IL3RA: variants seen among roughly 807,000 people sequenced by gnomAD.
IL3RA encodes the protein interleukin 3 receptor subunit alpha.
A neutral mutation model predicts 52.3 loss-of-function variants in IL3RA; 73 were observed. The ratio of observed to expected loss-of-function variants is 1.40; its 90% confidence interval spans 1.16 to 1.70. IL3RA has a LOEUF of 1.70. Ranked by LOEUF, IL3RA falls within the 40% of genes most tolerant of loss-of-function variation. The pLI, the probability that IL3RA is intolerant of heterozygous loss-of-function variation, is 0.00. For synonymous variants in IL3RA, 260 were observed against 194.0 expected (o/e 1.34, Z -2.83); for missense variants, 664 against 504.4 (o/e 1.32, Z -3.03).
intron 9 of IL3RA, 147 bp from the exon 10 acceptor site, chrX:1,378,512 C>T: frequency 3.0e-6 from 2 of 669,562 alleles, no homozygotes; most frequent in Non-Finnish European, 5.3e-6. Flanking sequence ...GGTCTCTGTG[C>T]AGGTGGCACT....
At chrX:1,353,666 C>T (rs1357143577) in intron 6 of IL3RA, among the ~76,000 whole-genome samples, 1 of 70,856 alleles carries the variant, frequency 1.4e-5, no homozygotes, top group Non-Finnish European at 2.7e-5. Flanking sequence ...GTCATGGGAC[C>T]CCCCCCATCA....
intron 9 of IL3RA, among the ~76,000 whole-genome samples, chrX:1,377,729 G>T (rs79068790): frequency 6.7e-6 from 1 of 148,192 alleles, no homozygotes; most frequent in Non-Finnish European, 1.5e-5. Context: ...GCAGTGGCGC[G>T]ATCACGGCTC....
rs768355817 is a variant in IL3RA, at chrX:1,382,514, G to A, written c.*49G>A. The stretch of plus-strand genomic sequence containing the variant: ...GGTCTGCCTCAATCTCCCTGGCCGG[G>A]CCAGGCGCCTGCACAGACTGGCTGC... On this transcript the variant is annotated 3_prime_UTR_variant, in exon 12 of 12. Coordinates refer to ENST00000331035, the MANE Select transcript of IL3RA (RefSeq NM_002183.4). The A allele has an allele frequency of 6.4e-7, 1 of 1,561,636 alleles. No homozygotes were observed. The highest frequency in any genetic ancestry group is 1.4e-5 in the African/African-American group (1 of 73,982).
chrX:1,361,576 C>CCCA (rs2087367949), intron 8 of IL3RA, among the ~76,000 whole-genome samples: 4 of 151,762 alleles, frequency 2.6e-5, no homozygotes, highest in Non-Finnish European at 4.4e-5. Flanking sequence ...ATGGTGAAAC[C>CCCA]TAGCTCTACT....
chrX:1,379,495 C>G (rs1266319640), intron 10 of IL3RA, among the ~76,000 whole-genome samples: 3 of 152,166 alleles, frequency 2.0e-5, no homozygotes, highest in East Asian at 3.9e-4. Context: ...GCCAGGTCCT[C>G]TCTGCTAGCT....
chrX:1,368,627 G>C (rs1365458625), intron 9 of IL3RA, among the ~76,000 whole-genome samples: 1 of 152,120 alleles, frequency 6.6e-6, no homozygotes, highest in Admixed American at 6.6e-5. Flanking sequence ...CATTAGGGTG[G>C]GCCCTAATCT....
At position 1,352,101 on chromosome X, in the gene IL3RA, T is replaced by A; in HGVS notation, c.300T>A (p.Ser100Arg). The A allele has an allele frequency of 6.2e-7, 1 of 1,613,592 alleles. No homozygotes were observed. The highest frequency in any genetic ancestry group is 8.5e-7 in the Non-Finnish European group (1 of 1,179,742). ...FSTWILFPEN[S>R]GKPWAGAENL... ...TCTCTTTCATGTTTGTGAACCCAGG[T>A]GGGAAGCCTTGGGCAGGTGCGGAGA... The change falls in exon 5 of 12, where the codon AGT becomes AGA. Residue 100 changes from serine to arginine, a missense_variant and splice_region_variant. By Grantham distance (110) the Ser-to-Arg change is moderately radical. Transcript: ENST00000331035.
intron 6 of IL3RA, among the ~76,000 whole-genome samples, chrX:1,355,593 G>C (rs1246317756): frequency 1.3e-5 from 2 of 151,038 alleles, no homozygotes; most frequent in African/African-American, 4.9e-5. Flanking sequence ...GAAGTGCCTG[G>C]GGTTCCCGGG....
Position 1,380,858 on chromosome X carries a change from G to C in IL3RA, c.981-165G>C, listed in dbSNP as rs781190367. ...CCAGCGCCTGCCTATGATGATGGTC[G>C]GGGGCGTGTCAGGGCCTCAGGGGCC... On this transcript the variant is annotated intron_variant, in intron 10 of 11. Coordinates refer to ENST00000331035, the MANE Select transcript of IL3RA (RefSeq NM_002183.4). Among the ~76,000 whole-genome samples the C allele has an allele frequency of 1.9e-3, 293 of 151,908 alleles. 1 individual carries two copies. The highest frequency in any genetic ancestry group is 3.0e-3 in the Non-Finnish European group (204 of 67,934).
intron 6 of IL3RA, among the ~76,000 whole-genome samples, chrX:1,355,042 G>A (rs1429068715): frequency 2.7e-5 from 1 of 37,218 alleles, no homozygotes; most frequent in Non-Finnish European, 6.0e-5. Context: ...TGGAGGAAGG[G>A]GAGCAGATGG....
At chrX:1,359,182 C>G (rs1447541290) in intron 8 of IL3RA, among the ~76,000 whole-genome samples, 3 of 151,938 alleles carry the variant, frequency 2.0e-5, no homozygotes, top group Non-Finnish European at 4.4e-5. Flanking sequence ...GATGCTATGG[C>G]TGGCCAGGTG....
intron 8 of IL3RA, among the ~76,000 whole-genome samples, chrX:1,363,119 C>A (rs1337642177): frequency 1.5e-5 from 2 of 137,636 alleles, no homozygotes; most frequent in Admixed American, 6.9e-5. Context: ...GCATTTAGGG[C>A]CCCCCCTGAT....
chrX:1,364,600 A>G (rs2087761876), intron 8 of IL3RA, among the ~76,000 whole-genome samples: 1 of 150,720 alleles, frequency 6.6e-6, no homozygotes, highest in Non-Finnish European at 1.5e-5. Flanking sequence ...CCTCCCTGGT[A>G]GCTGGGACCA....
chrX:1,344,005 A>G (rs1259215108), intron 2 of IL3RA, among the ~76,000 whole-genome samples: 6 of 151,858 alleles, frequency 4.0e-5, no homozygotes, highest in Non-Finnish European at 7.4e-5. Flanking sequence ...CGTGTTAGCC[A>G]GGATGGTCTT....
intron 10 of IL3RA, among the ~76,000 whole-genome samples, chrX:1,380,590 A>G (rs867969239): frequency 1.3e-4 from 2 of 15,300 alleles, no homozygotes; most frequent in African/African-American, 5.1e-4. Context: ...GGGAGGGGGA[A>G]GGGGGAGGAG....
chrX:1,360,062 T>C (rs774602587), intron 8 of IL3RA, among the ~76,000 whole-genome samples: 34 of 149,080 alleles, frequency 2.3e-4, no homozygotes, highest in African/African-American at 8.2e-4. Context: ...TCTGTATCTC[T>C]CTCCCTTTCT....
chrX:1,352,606 C>T, intron 6 of IL3RA, 100 bp downstream of exon 6: 3 of 1,249,780 alleles, frequency 2.4e-6, no homozygotes, highest in Non-Finnish European at 3.3e-6. Context: ...CCAACGCAGA[C>T]GTTGGCCTCT....
intron 1 of IL3RA, 125 bp downstream of exon 1, chrX:1,337,051 G>C (rs1823091901): frequency 6.6e-6 from 1 of 152,182 alleles, no homozygotes; most frequent in Admixed American, 6.6e-5. Context: ...TTTCTGCTGA[G>C]ACCTGCTGTC....
intron 3 of IL3RA, among the ~76,000 whole-genome samples, chrX:1,346,032 A>T (rs1209899674): frequency 1.3e-5 from 2 of 151,376 alleles, no homozygotes; most frequent in Non-Finnish European, 2.9e-5. Flanking sequence ...ACCCAACCCC[A>T]CGCTGGGCGT....
Sources: gnomAD v4.1 joint callset for allele counts (sites outside exome capture counted in the v4.1 genomes callset) on GRCh38, gnomAD v4.1.1 for gene constraint, MANE v1.5 for transcripts, NCBI Gene and HGNC (gene_info 2026-07-23, HGNC 2026-07-21) for gene names.